SDHB: variants seen among roughly 807,000 people sequenced by gnomAD.
The protein encoded by SDHB is succinate dehydrogenase [ubiquinone] iron-sulfur subunit, mitochondrial.
In SDHB, 21 loss-of-function variants were observed where a neutral mutation model predicts 39.7. The observed-to-expected ratio is 0.53, with a 90% CI of 0.37 to 0.76. SDHB has a LOEUF of 0.76. SDHB is among the 30% of genes least tolerant of loss of function. SDHB has a pLI of 0.00. For synonymous variants in SDHB, 118 were observed against 117.0 expected, an observed-to-expected ratio of 1.01 and a Z score of -0.06; for missense variants, 343 against 350.9, an observed-to-expected ratio of 0.98 and a Z score of 0.18.
rs1196943634 is a variant in SDHB, at chr1:17,033,507, ATAGTTT to A, written c.201-368_201-363del. On this transcript the variant is annotated intron_variant, in intron 2 of 7. Transcript: ENST00000375499. ...TAGTTTGATTTTTAGGATGTAGACA[ATAGTTT>A]TAAATAGTAATTAATAATACATAAC... Among the ~76,000 whole-genome samples, 36 of 152,328 alleles carry A rather than the reference ATAGTTT, an allele frequency of 2.4e-4. 1 individual carries two copies. The East Asian group carries it at 3.7e-3, about 15-fold the overall frequency.
At position 17,053,962 on chromosome 1, in the gene SDHB, C is replaced by G. The variant is rs1557749649; in HGVS notation, c.58G>C (p.Gly20Arg). 6.2e-7 allele frequency: 1 copy of G among 1,612,838 alleles called. No individual in the cohort carries two copies. The highest frequency in any genetic ancestry group is 1.3e-5 in the African/African-American group (1 of 74,920). The stretch of plus-strand genomic sequence containing the variant: ...CCAGGACTCACCTGCAGGCAGGCTC[C>G]GCCAAGGGTTGTGGCCGGCAACCGG... ...RRRLPATTLG[G>R]ACLQASRGAQ... Residue 20 changes from glycine (G) to arginine (R), a missense_variant, in exon 1 of 8, where the codon GGA becomes CGA. Physicochemically the swap from Gly to Arg is moderately radical, Grantham distance 125 (BLOSUM62 -2). Transcript: ENST00000375499.
chr1:17,035,714 G>C (rs1301030618), intron 2 of SDHB, among the ~76,000 whole-genome samples: 1 of 152,006 alleles, frequency 6.6e-6, no homozygotes, highest in Non-Finnish European at 1.5e-5. Context: ...CAAAAAATTA[G>C]CTGGGTGTGG....
chr1:17,028,603 A>C lies in SDHB; in HGVS notation c.420T>G (p.Val140=). Reference sequence around the variant, plus strand: ...CCAGAGAGATGCAGAAACTCACGGGAACAAGATCCTTTATCACATACATGT... The same window carrying C: ...CCAGAGAGATGCAGAAACTCACGGGCACAAGATCCTTTATCACATACATGT... ...LPHMYVIKDL[V]PDLSNFYAQY... The change falls in exon 4 of 8, where the codon GTT becomes GTG. Residue 140 remains valine, a synonymous_variant. Coordinates refer to ENST00000375499, the MANE Select transcript of SDHB (RefSeq NM_003000.3). 6.2e-7 allele frequency: 1 copy of C among 1,614,200 alleles called. No individual in the cohort carries two copies. Among genetic ancestry groups the C allele is most frequent in the Non-Finnish European group, 8.5e-7 (1 of 1,180,024 alleles).
chr1:17,022,834 A>G, intron 6 of SDHB, 104 bp from the exon 7 acceptor site: 1 of 1,384,130 alleles, frequency 7.2e-7, no homozygotes, highest in Non-Finnish European at 1.0e-6. Flanking sequence ...GAATTCACTC[A>G]GCTTAGATGC....
chr1:17,024,565 T>C (rs72639736), intron 5 of SDHB, among the ~76,000 whole-genome samples: 6,668 of 152,286 alleles, frequency 0.044, 204 homozygotes, highest in Non-Finnish European at 0.062. Flanking sequence ...CCCTGCGCCT[T>C]ACACGCTTTC....
At chr1:17,042,594 A>G (rs2078087023) in intron 2 of SDHB, among the ~76,000 whole-genome samples, 1 of 152,112 alleles carries the variant, frequency 6.6e-6, no homozygotes, top group African/African-American at 2.4e-5. Flanking sequence ...GCTGGGCAAC[A>G]TAGTGAAACT....
chr1:17,044,527 T>C (rs745858871), intron 2 of SDHB, among the ~76,000 whole-genome samples: 6 of 152,186 alleles, frequency 3.9e-5, no homozygotes, highest in Non-Finnish European at 7.4e-5. Context: ...AGTTTCACCA[T>C]GTTGGCCACA....
At chr1:17,037,851 T>C (rs1202959776) in intron 2 of SDHB, among the ~76,000 whole-genome samples, 1 of 152,126 alleles carries the variant, frequency 6.6e-6, no homozygotes, top group Admixed American at 6.5e-5. Context: ...ATTCTCCTGC[T>C]TCAGGCCAGG....
At chr1:17,019,103 T>C in intron 7 of SDHB, 145 bp from the exon 8 acceptor site, 1 of 719,642 alleles carries the variant, frequency 1.4e-6, no homozygotes, top group South Asian at 1.5e-5. Flanking sequence ...CCATAGGGGT[T>C]GGGCTAAGGG....
chr1:17,030,778 T>G (rs2078018131), intron 3 of SDHB, among the ~76,000 whole-genome samples: 1 of 151,558 alleles, frequency 6.6e-6, no homozygotes, highest in South Asian at 2.1e-4. Context: ...GCCTCCCGGG[T>G]TCAAGTGATT....
At chr1:17,045,279 A>G (rs1426908670) in intron 1 of SDHB, 1 of 275,270 alleles carries the variant, frequency 3.6e-6, no homozygotes, top group African/African-American at 2.3e-5. Context: ...CTCACATGTC[A>G]TCTAAGTGGA....
intron 1 of SDHB, among the ~76,000 whole-genome samples, chr1:17,046,157 G>A (rs1011546687): frequency 2.0e-5 from 3 of 152,122 alleles, no homozygotes; most frequent in African/African-American, 7.2e-5. Flanking sequence ...TAAGATGAAA[G>A]CTATGTTTTA....
rs1553177740 is a variant in SDHB, at chr1:17,028,638, G to A, written c.385C>T (p.Pro129Ser). 6.2e-7 allele frequency: 1 copy of A among 1,614,098 alleles called. No individual in the cohort carries two copies. The highest frequency in any genetic ancestry group is 8.5e-7 in the Non-Finnish European group (1 of 1,179,986). ...TNLNKVSKIY[P>S]LPHMYVIKDL... ...TTTATCACATACATGTGTGGAAGAG[G>A]GTAGATTTTTGAGACCTTATTGAGG... The change falls in exon 4 of 8, where the codon CCT (proline) becomes TCT (serine). Residue 129 changes from proline (P) to serine (S), a missense_variant. Pro to Ser is a moderately conservative substitution (Grantham distance 74). Coordinates refer to ENST00000375499, the MANE Select transcript of SDHB (RefSeq NM_003000.3).
At chr1:17,053,537 C>T (rs1371892274) in intron 1 of SDHB, among the ~76,000 whole-genome samples, 2 of 152,120 alleles carry the variant, frequency 1.3e-5, no homozygotes, top group East Asian at 3.9e-4. Context: ...CCTCGCTTCC[C>T]AATTCCCATC....
At chr1:17,053,651 C>T (rs1456965103) in intron 1 of SDHB, among the ~76,000 whole-genome samples, 1 of 151,984 alleles carries the variant, frequency 6.6e-6, no homozygotes, top group Non-Finnish European at 1.5e-5. Context: ...TTCCAGCAGT[C>T]ATTCGCTTGC....
intron 1 of SDHB, chr1:17,045,293 T>C (rs907339969): frequency 2.6e-5 from 7 of 264,606 alleles, no homozygotes; most frequent in African/African-American, 4.6e-5. Flanking sequence ...AAGTGGAGGC[T>C]TGACAAACCA....
At chr1:17,036,447 C>G (rs1427317597) in intron 2 of SDHB, among the ~76,000 whole-genome samples, 1 of 151,920 alleles carries the variant, frequency 6.6e-6, no homozygotes, top group East Asian at 1.9e-4. Flanking sequence ...GTAGCTGGGA[C>G]TATAGGCACA....
At chr1:17,019,020 A>G in intron 7 of SDHB, 62 bp from the exon 8 acceptor site, 4 of 1,293,318 alleles carry the variant, frequency 3.1e-6, no homozygotes, top group Non-Finnish European at 4.5e-6. Context: ...GAAAACCCAC[A>G]ATCTTGGGTG....
At chr1:17,021,308 T>C (rs1400774447) in intron 7 of SDHB, among the ~76,000 whole-genome samples, 4 of 152,028 alleles carry the variant, frequency 2.6e-5, no homozygotes, top group Non-Finnish European at 5.9e-5. Flanking sequence ...ATTAGTCAGG[T>C]GTGGTGGTGT....
Sources: allele counts gnomAD v4.1 joint callset (sites outside exome capture counted in the v4.1 genomes callset), GRCh38; gene constraint gnomAD v4.1.1; transcripts MANE v1.5; gene names NCBI Gene and HGNC (gene_info 2026-07-23, HGNC 2026-07-21).